Variants in HUWE1 observed in about 807,000 individuals in gnomAD.
HUWE1 encodes the protein HECT, UBA and WWE domain containing E3 ubiquitin protein ligase 1, also known as E3 ubiquitin-protein ligase HUWE1.
HUWE1 carries 18 observed loss-of-function variants against 299.4 expected under a neutral mutation model. That is an observed-to-expected ratio of 0.06 (90% confidence interval 0.04 to 0.09). HUWE1 has a LOEUF of 0.09. Among genes scored for constraint, HUWE1 ranks in the 10% least tolerant of loss-of-function variants. HUWE1 has a pLI of 1.00. For synonymous variants in HUWE1, 1,317 were observed against 1,286.1 expected, an observed-to-expected ratio of 1.02 and a Z score of -0.51; for missense variants, 1,832 against 3,462.3, an observed-to-expected ratio of 0.53 and a Z score of 11.82.
rs1257423299 is a variant in HUWE1, at chrX:53,606,216, T to C, written c.2496+1307A>G. Among the ~76,000 whole-genome samples the C allele has an allele frequency of 6.3e-5, 7 of 111,829 alleles. No homozygotes were observed. The Admixed American group carries it at 6.6e-4, about 11-fold the overall frequency. On this transcript the variant is annotated intron_variant, in intron 25 of 83. Transcript: ENST00000262854. ...TGCAAATCATATACCTGAGAAGAAA[T>C]TAGTATCAGGTATTAATACGTGTAC...
chrX:53,598,890 C>G (rs1377472916), intron 29 of HUWE1, among the ~76,000 whole-genome samples: 1 of 112,316 alleles, frequency 8.9e-6, no homozygotes, highest in Non-Finnish European at 1.9e-5. Context: ...GTAATAAGCT[C>G]AAATGTATAC....
At chrX:53,657,576 A>G (rs1208366205) in intron 3 of HUWE1, among the ~76,000 whole-genome samples, 1 of 112,255 alleles carries the variant, frequency 8.9e-6, no homozygotes, top group Non-Finnish European at 1.9e-5. Flanking sequence ...CACTGTATTG[A>G]AAGTCCTAGC....
intron 63 of HUWE1, 63 bp downstream of exon 63, chrX:53,552,248 C>T: frequency 8.5e-7 from 1 of 1,181,594 alleles, no homozygotes; most frequent in Non-Finnish European, 1.1e-6. Flanking sequence ...TGGGCATTTC[C>T]ATGCCAAGGG....
intron 34 of HUWE1, among the ~76,000 whole-genome samples, chrX:53,590,758 G>C (rs1007675255): frequency 8.0e-5 from 9 of 112,449 alleles, no homozygotes; most frequent in Middle Eastern, 4.6e-3. Flanking sequence ...CTACATCTTA[G>C]AAAAGTGTGC....
In HUWE1 at chrX:53,546,452, G is replaced by A; in HGVS notation, c.10899C>T (p.Thr3633=). ...TGCTATTACCTATTTGTTTACAAAG[G>A]GTATAACCCAGATGGCGGGCTCCAT... ...LLNGARHLGY[T]LCKQIGTLLA... The change falls in exon 70 of 84, where the codon ACC becomes ACT. Residue 3633 remains threonine (T), a synonymous_variant. Coordinates refer to ENST00000262854, the MANE Select transcript of HUWE1 (RefSeq NM_031407.7). 1 of 1,210,429 alleles carries A rather than the reference G, an allele frequency of 8.3e-7. No individual in the cohort carries two copies. The highest frequency in any genetic ancestry group is 1.7e-5 in the African/African-American group (1 of 57,723).
At chrX:53,614,240 G>A (rs1291810973) in intron 23 of HUWE1, among the ~76,000 whole-genome samples, 3 of 110,582 alleles carry the variant, frequency 2.7e-5, no homozygotes, top group Non-Finnish European at 5.7e-5. Context: ...ACTCCAGCAT[G>A]GGCAACGAGA....
intron 3 of HUWE1, among the ~76,000 whole-genome samples, chrX:53,655,386 T>C (rs1408071543): frequency 2.7e-5 from 3 of 111,937 alleles, no homozygotes; most frequent in African/African-American, 6.5e-5. Context: ...TCAGCAGGCA[T>C]TCAAGGAAGA....
intron 43 of HUWE1, among the ~76,000 whole-genome samples, chrX:53,578,407 C>T (rs1556961910): frequency 2.5e-5 from 2 of 78,828 alleles, no homozygotes; most frequent in Admixed American, 1.3e-4. Context: ...AGGTGAGGGG[C>T]TCCTCTGCCC....
chrX:53,548,309 C>T (rs1163656081), intron 67 of HUWE1, 36 bp from the exon 68 acceptor site: 11 of 1,196,121 alleles, frequency 9.2e-6, no homozygotes, highest in African/African-American at 8.7e-5. Context: ...TGGTCTAGGA[C>T]GTCTTCACAG....
In HUWE1 at chrX:53,533,043, A is replaced by G; in HGVS notation, c.*266T>C. On this transcript the variant is annotated 3_prime_UTR_variant, in exon 84 of 84. Transcript: ENST00000262854. ...CAGTTGGGACAGACAGGTCCCTGCA[A>G]AGGCTACTGCCTTTTTAAAACACAT... 1 of 379,600 alleles carries G rather than the reference A, an allele frequency of 2.6e-6. No individual in the cohort carries two copies. Among genetic ancestry groups the G allele is most frequent in the South Asian group, 3.9e-5 (1 of 25,845 alleles). 31.3% of individuals were successfully genotyped at this position (379,600 alleles called of 1,213,427 possible).
At position 53,639,056 on chromosome X, in the gene HUWE1, C is replaced by T. The variant is rs1379169113; in HGVS notation, c.505-4758G>A. ...GACTGAACCATTTTTGAAAACATCA[C>T]ATACAAAACACAATAAACAAAGACA... is the stretch of plus-strand genomic sequence containing the variant. On this transcript the variant is annotated intron_variant, in intron 7 of 83. Coordinates refer to ENST00000262854, the MANE Select transcript of HUWE1 (RefSeq NM_031407.7). Among the ~76,000 whole-genome samples the T allele has an allele frequency of 6.2e-5, 7 of 112,139 alleles. No individual in the cohort carries two copies. In the East Asian group the frequency reaches 1.9e-3, roughly 31 times the overall value.
rs782111122 is a variant in HUWE1 at position 53,536,139 on chromosome X, T to C, written c.12531+8A>G. The C allele has an allele frequency of 6.2e-6, 7 of 1,137,132 alleles. No homozygotes were observed. Among genetic ancestry groups the C allele is most frequent in the Non-Finnish European group, 8.4e-6 (7 of 829,615 alleles). 93.7% of individuals were successfully genotyped at this position (1,137,132 alleles called of 1,213,427 possible). A position where few individuals can be genotyped will look rare whatever the true frequency, so the allele number is the denominator to read the frequency against. ...GGGATGTGCTGTGATTAGGATTTCC[T>C]GACCTACCTCAGTGCTGAAGGTGAG... On this transcript the variant is annotated splice_region_variant and intron_variant, in intron 80 of 83. Transcript: ENST00000262854.
In HUWE1 at chrX:53,557,456, G is replaced by A. The variant is rs782098287; in HGVS notation, c.8161-29C>T. ...CAAAAAGAAGGGATAGACCAATGTG[G>A]GACTTTGCAAGCACCTAAGATAGAG... On this transcript the variant is annotated intron_variant, in intron 59 of 83. Coordinates refer to ENST00000262854, the MANE Select transcript of HUWE1 (RefSeq NM_031407.7). 3 of 1,163,445 alleles carry A rather than the reference G, an allele frequency of 2.6e-6. No homozygotes were observed. In the South Asian group the frequency reaches 5.4e-5, roughly 21 times the overall value.
At chrX:53,621,607 A>G (rs2066151375) in intron 19 of HUWE1, among the ~76,000 whole-genome samples, 1 of 108,359 alleles carries the variant, frequency 9.2e-6, no homozygotes, top group Admixed American at 1.0e-4. Flanking sequence ...TCATAACTCC[A>G]CTGCCCCATC....
Position 53,536,197 on chromosome X carries a change from G to A in HUWE1, c.12481C>T (p.Leu4161=). 1 of 1,204,999 alleles carries A rather than the reference G, an allele frequency of 8.3e-7. No individual in the cohort carries two copies. Among genetic ancestry groups the A allele is most frequent in the East Asian group, 3.0e-5 (1 of 33,792 alleles). Residue 4161 remains leucine (L), a synonymous_variant, in exon 80 of 84, where the codon CTG becomes TTG. Coordinates refer to ENST00000262854, the MANE Select transcript of HUWE1 (RefSeq NM_031407.7). ...CCTAGTGTGGAGACATCATTTTCCA[G>A]CAGATAAACCAGACCTTGGTAGAAG... ...YHFYQGLVYL[L]ENDVSTLGYD...
chrX:53,586,975 G>A (rs2063890902), intron 37 of HUWE1, 66 bp from the exon 38 acceptor site: 14 of 1,108,975 alleles, frequency 1.3e-5, no homozygotes, highest in African/African-American at 1.8e-5. Context: ...ACAAAGATTA[G>A]CATGGGATAG....
chrX:53,630,246 G>A (rs1176745230), intron 12 of HUWE1, among the ~76,000 whole-genome samples: 2 of 112,042 alleles, frequency 1.8e-5, no homozygotes, highest in African/African-American at 6.5e-5. Flanking sequence ...AGAATTTCAC[G>A]CCAAGAAACT....
chrX:53,547,746 C>T lies in HUWE1; in HGVS notation c.10563G>A (p.Thr3521=), dbSNP rs782001390. 11 of 1,202,776 alleles carry T rather than the reference C, an allele frequency of 9.1e-6. No individual in the cohort carries two copies. The highest frequency in any genetic ancestry group is 8.9e-5 in the East Asian group (3 of 33,569). ...VTSAPALVAA[T]AISTIVVAAS... ...CAGCTACGACAATGGTGGAAATAGC[C>T]GTGGCAGCAACCAGGGCTGGAGCAG... The change falls in exon 68 of 84, where the codon ACG becomes ACA. Residue 3521 remains threonine, a synonymous_variant. Transcript: ENST00000262854.
intron 33 of HUWE1, among the ~76,000 whole-genome samples, chrX:53,591,822 A>G (rs1208471557): frequency 1.8e-5 from 2 of 111,843 alleles, no homozygotes; most frequent in Non-Finnish European, 3.8e-5. Flanking sequence ...TTAATGATAA[A>G]AAACGGGACA....
Sources: allele counts gnomAD v4.1 joint callset (sites outside exome capture counted in the v4.1 genomes callset), GRCh38; gene constraint gnomAD v4.1.1; transcripts MANE v1.5; gene names NCBI Gene and HGNC (gene_info 2026-07-23, HGNC 2026-07-21).